Variants in KLB observed in about 807,000 individuals in gnomAD.
KLB encodes klotho beta, also known as beta-klotho.
KLB carries 44 observed loss-of-function variants against 88.4 expected under a neutral mutation model. The ratio of observed to expected loss-of-function variants is 0.50; its 90% confidence interval spans 0.39 to 0.64. The LOEUF (loss-of-function observed/expected upper bound fraction) is 0.64. Among genes scored for constraint, KLB ranks in the 30% least tolerant of loss-of-function variants. KLB has a pLI of 0.00. For missense variants in KLB, 1,137 were observed against 1,304.8 expected (o/e 0.87, Z 1.98); for synonymous variants, 548 against 513.4 (o/e 1.07, Z -0.91).
At chr4:39,408,840 C>A (rs1742780992) in intron 1 of KLB, among the ~76,000 whole-genome samples, 1 of 151,666 alleles carries the variant, frequency 6.6e-6, no homozygotes, top group Non-Finnish European at 1.5e-5. Flanking sequence ...AATTATTCTG[C>A]ACACCTGTTA....
At chr4:39,418,893 A>C (rs1743018062) in intron 1 of KLB, among the ~76,000 whole-genome samples, 1 of 151,530 alleles carries the variant, frequency 6.6e-6, no homozygotes. Context: ...GGTTGCAGTC[A>C]ACTGAGATCG....
chr4:39,445,684 G>GTT lies in KLB; in HGVS notation c.1606-632_1606-631dup, dbSNP rs67319815. Among the ~76,000 whole-genome samples the GTT allele has an allele frequency of 4.2e-3, 395 of 94,948 alleles. 2 individuals are homozygous for GTT. Among genetic ancestry groups the GTT allele is most frequent in the African/African-American group, 0.012 (358 of 29,178 alleles). 62.3% of individuals were successfully genotyped at this position (94,948 alleles called of 152,430 possible). A position where few individuals can be genotyped will look rare whatever the true frequency, so the allele number is the denominator to read the frequency against. On this transcript the variant is annotated intron_variant, in intron 3 of 4. Coordinates refer to ENST00000257408, the MANE Select transcript of KLB (RefSeq NM_175737.4). ...CACGCCTGGCTAATCTTGTTTTTTTGTTTTTTTTTTTTTTTTTAGTAGAGA... is the reference window on the plus strand; with the variant it reads ...CACGCCTGGCTAATCTTGTTTTTTTGTTTTTTTTTTTTTTTTTTTAGTAGAGA...
chr4:39,429,036 T>G (rs1410848652), intron 1 of KLB, among the ~76,000 whole-genome samples: 5 of 152,200 alleles, frequency 3.3e-5, no homozygotes, highest in African/African-American at 9.6e-5. Context: ...GGGAAATATG[T>G]TTGGAAAGCC....
intron 3 of KLB, among the ~76,000 whole-genome samples, chr4:39,443,758 CA>C (rs56820388): frequency 0.01 from 1,163 of 111,028 alleles, 16 homozygotes; most frequent in African/African-American, 0.034. Flanking sequence ...GAGACTTTGT[CA>C]AAAAAAAAAA....
At chr4:39,447,496 G>T in intron 4 of KLB, 21 bp downstream of exon 4, 1 of 1,526,140 alleles carries the variant, frequency 6.6e-7, no homozygotes. Context: ...GGCCCCTTCA[G>T]ACACAGGGCA....
At chr4:39,424,711 A>C (rs1743163272) in intron 1 of KLB, among the ~76,000 whole-genome samples, 1 of 147,500 alleles carries the variant, frequency 6.8e-6, no homozygotes, top group Non-Finnish European at 1.5e-5. Flanking sequence ...GGCTCACTGC[A>C]ACCTTTGCAT....
rs145927092 is a variant in KLB at position 39,451,430 on chromosome 4, G to A, written c.*2744G>A. On this transcript the variant is annotated 3_prime_UTR_variant, in exon 5 of 5. Transcript: ENST00000257408. ...CTGGAGAATCACAACTATATTTAAA[G>A]AGCCTCTGGAAAATGAGGCCAGTAC... The A allele has an allele frequency of 1.3e-5, 2 of 152,322 alleles. No homozygotes were observed. Among genetic ancestry groups the A allele is most frequent in the African/African-American group, 4.8e-5 (2 of 41,572 alleles). The allele number at this position is 152,322 out of a possible 1,614,324, so 9.4% of individuals were successfully genotyped here.
At chr4:39,414,201 C>A (rs1397811054) in intron 1 of KLB, among the ~76,000 whole-genome samples, 2 of 151,400 alleles carry the variant, frequency 1.3e-5, no homozygotes, top group Non-Finnish European at 2.9e-5. Context: ...GTATGAGGGG[C>A]ATAAAAATGA....
chr4:39,414,922 A>T (rs772372878), intron 1 of KLB, among the ~76,000 whole-genome samples: 98 of 151,540 alleles, frequency 6.5e-4, no homozygotes, highest in Admixed American at 1.3e-3. Flanking sequence ...AAAATGTTAT[A>T]TAAGCAACGT....
chr4:39,447,137 C>T lies in KLB; in HGVS notation c.2411C>T (p.Pro804Leu). ...CGGGGGCTTTCCAGCTCGGCCCTGCCGCGCCTCACCGAGGCCGAAAGGAGG... is the reference window on the plus strand; with the variant it reads ...CGGGGGCTTTCCAGCTCGGCCCTGCTGCGCCTCACCGAGGCCGAAAGGAGG... ...HRRGLSSSALPRLTEAERRLL... is the reference protein window; with the variant it reads ...HRRGLSSSALLRLTEAERRLL... Residue 804 changes from proline (P) to leucine (L), a missense_variant, in exon 4 of 5, where the codon CCG becomes CTG. Physicochemically the swap from Pro to Leu is moderately conservative, Grantham distance 98 (BLOSUM62 -3). This residue lies in a region of KLB where 426 missense variants were observed against 404.6 expected (regional missense o/e 1.05). Coordinates refer to ENST00000257408, the MANE Select transcript of KLB (RefSeq NM_175737.4). 1 of 1,613,610 alleles carries T rather than the reference C, an allele frequency of 6.2e-7. No individual in the cohort carries two copies. Among genetic ancestry groups the T allele is most frequent in the Non-Finnish European group, 8.5e-7 (1 of 1,180,020 alleles).
intron 1 of KLB, among the ~76,000 whole-genome samples, chr4:39,428,543 T>C (rs1340995383): frequency 2.0e-5 from 3 of 151,874 alleles, no homozygotes; most frequent in African/African-American, 7.2e-5. Flanking sequence ...TATTGAAACA[T>C]TTATGACAGG....
chr4:39,424,622 G>A (rs892716483), intron 1 of KLB, among the ~76,000 whole-genome samples: 5 of 151,230 alleles, frequency 3.3e-5, no homozygotes, highest in African/African-American at 1.2e-4. Flanking sequence ...TAATCTCCAT[G>A]GTGGTTTCTT....
At chr4:39,430,623 CAG>C (rs1164308664) in intron 1 of KLB, among the ~76,000 whole-genome samples, 25 of 112,746 alleles carry the variant, frequency 2.2e-4, no homozygotes, top group African/African-American at 7.2e-4. Flanking sequence ...TTTTTTGAGA[CAG>C]AGTCTTGCTC....
At chr4:39,409,903 G>A (rs536382850) in intron 1 of KLB, among the ~76,000 whole-genome samples, 3 of 152,134 alleles carry the variant, frequency 2.0e-5, no homozygotes, top group Admixed American at 1.3e-4. Flanking sequence ...CAGCCTGGGC[G>A]AGAGTGAAAC....
chr4:39,423,825 CAA>C lies in KLB; in HGVS notation c.826-10384_826-10383del, dbSNP rs1743138643. 3.3e-5 allele frequency among the ~76,000 whole-genome samples: 5 copies of C among 151,548 alleles called. No homozygotes were observed. In the South Asian group the frequency reaches 1.0e-3, roughly 31 times the overall value. ...ACACTGCACGAGCCTGAGACTTTTACAATAGTGGGGAAGGATCTTTTTTTTAA... is the reference window on the plus strand; with the variant it reads ...ACACTGCACGAGCCTGAGACTTTTACTAGTGGGGAAGGATCTTTTTTTTAA... On this transcript the variant is annotated intron_variant, in intron 1 of 4. Coordinates refer to ENST00000257408, the MANE Select transcript of KLB (RefSeq NM_175737.4).
In KLB at chr4:39,447,177, G is replaced by C; in HGVS notation, c.2451G>C (p.Thr817=). 6.2e-7 allele frequency: 1 copy of C among 1,613,888 alleles called. No individual in the cohort carries two copies. The change falls in exon 4 of 5, where the codon ACG becomes ACC. Residue 817 remains threonine, a synonymous_variant. Transcript: ENST00000257408. The part of the protein sequence containing the change: ...TEAERRLLKG[T]VDFCALNHFT... ...CCGAAAGGAGGCTGCTCAAGGGCAC[G>C]GTCGACTTCTGCGCGCTCAACCACT...
intron 4 of KLB, among the ~76,000 whole-genome samples, chr4:39,447,787 T>TA (rs967411454): frequency 2.0e-4 from 31 of 152,188 alleles, no homozygotes; most frequent in South Asian, 2.1e-4. Context: ...TGCTAGGCTT[T>TA]AAAAAAATGG....
At chr4:39,448,191 C>T in intron 4 of KLB, 110 bp from the exon 5 acceptor site, 1 of 729,280 alleles carries the variant, frequency 1.4e-6, no homozygotes, top group South Asian at 2.4e-5. Context: ...ATAAAAATCA[C>T]TACCTTTATT....
At chr4:39,445,345 C>G (rs1743712024) in intron 3 of KLB, among the ~76,000 whole-genome samples, 2 of 152,132 alleles carry the variant, frequency 1.3e-5, no homozygotes. Flanking sequence ...CTGTCAGATC[C>G]AAGTGTCAAC....
Sources: gnomAD v4.1 joint callset for allele counts (sites outside exome capture counted in the v4.1 genomes callset) on GRCh38, gnomAD v4.1.1 for gene constraint, gnomAD v4.1.1 regional missense constraint, MANE v1.5 for transcripts, NCBI Gene and HGNC (gene_info 2026-07-23, HGNC 2026-07-21) for gene names.